Variants in OASL observed in about 807,000 individuals in gnomAD.
OASL encodes 2'-5'-oligoadenylate synthetase like, also known as 2'-5'-oligoadenylate synthase-like protein.
Under a neutral mutation model 35.3 loss-of-function variants are expected in OASL, and 28 were observed. That is an observed-to-expected ratio of 0.79 (90% CI 0.59 to 1.09). OASL has a LOEUF of 1.09. Among genes scored for constraint, OASL ranks in the 50% least tolerant of loss-of-function variants. OASL has a pLI of 0.00. For synonymous variants in OASL, 252 were observed against 254.6 expected, an observed-to-expected ratio of 0.99 and a Z score of 0.10; for missense variants, 620 against 635.2, an observed-to-expected ratio of 0.98 and a Z score of 0.26.
At position 121,028,428 on chromosome 12, in the gene OASL, T is replaced by C. The variant is rs1485074036; in HGVS notation, c.658-611A>G. ...AAGTTGGCTCAACTAGAGTAAAGCC[T>C]AGTTCTTTTGTTCAGTGGTTGAAAG... On this transcript the variant is annotated intron_variant, in intron 3 of 5. Transcript: ENST00000257570. 3.9e-5 allele frequency among the ~76,000 whole-genome samples: 6 copies of C among 152,160 alleles called. No individual in the cohort carries two copies. The East Asian group carries it at 1.2e-3, about 29-fold the overall frequency.
chr12:121,021,026 C>T (rs1265313886), exon 6 of OASL: 4 of 1,604,758 alleles, frequency 2.5e-6, no homozygotes, highest in South Asian at 1.1e-5. Flanking sequence ...GGTAACCCCT[C>T]TGCTCCACTG....
chr12:121,026,589 C>T (rs374167246), intron 4 of OASL, among the ~76,000 whole-genome samples: 1 of 152,144 alleles, frequency 6.6e-6, no homozygotes, highest in Non-Finnish European at 1.5e-5. Context: ...CGGTGGCTCA[C>T]GCCTGTAAGC....
chr12:121,036,346 G>A (rs1869957781), intron 1 of OASL, among the ~76,000 whole-genome samples: 1 of 152,180 alleles, frequency 6.6e-6, no homozygotes, highest in African/African-American at 2.4e-5. Flanking sequence ...GGAACGGGAG[G>A]GTTTAGACTC....
intron 2 of OASL, among the ~76,000 whole-genome samples, chr12:121,031,966 G>A (rs1411607209): frequency 3.9e-5 from 6 of 152,058 alleles, no homozygotes; most frequent in African/African-American, 1.2e-4. Context: ...CGAGGTGGGC[G>A]GATCACCTGA....
At chr12:121,026,742 C>T (rs898732207) in intron 4 of OASL, among the ~76,000 whole-genome samples, 1 of 151,888 alleles carries the variant, frequency 6.6e-6, no homozygotes, top group Non-Finnish European at 1.5e-5. Flanking sequence ...ATCTCAGCTA[C>T]TCAGAAGCCT....
chr12:121,018,869 C>CAAAAAAA (rs1158102389), downstream of OASL, among the ~76,000 whole-genome samples: 3 of 55,296 alleles, frequency 5.4e-5, no homozygotes, highest in African/African-American at 7.2e-5. Flanking sequence ...GACTCCATCT[C>CAAAAAAA]AAAAAAAAAA....
chr12:121,036,733 A>G (rs1365214933), intron 1 of OASL, among the ~76,000 whole-genome samples: 2 of 152,008 alleles, frequency 1.3e-5, no homozygotes, highest in African/African-American at 2.4e-5. Flanking sequence ...TTTATTCTCA[A>G]GTTTGTTGGG....
At position 121,035,861 on chromosome 12, in the gene OASL, C is replaced by T. The variant is rs759688109; in HGVS notation, c.199-2118G>A. On this transcript the variant is annotated intron_variant, in intron 1 of 5. Coordinates refer to ENST00000257570, the Ensembl canonical transcript of OASL. ...CATTCCCCCCGAAGGCCAGTCTAGA[C>T]TTCCCTTTCTTTTTGAGACAGGGTC... 5.8e-4 allele frequency among the ~76,000 whole-genome samples: 88 copies of T among 152,122 alleles called. 2 individuals are homozygous for T. The highest frequency in any genetic ancestry group is 5.2e-4 in the Admixed American group (8 of 15,262).
At chr12:121,024,220 C>T (rs1036780097) in intron 4 of OASL, 83 bp from the exon 5 acceptor site, 137 of 1,461,520 alleles carry the variant, frequency 9.4e-5, no homozygotes, top group Admixed American at 5.1e-4. Context: ...GCAATTATTT[C>T]GTCCAGCCAC....
chr12:121,036,001 G>A (rs1869940386), intron 1 of OASL, among the ~76,000 whole-genome samples: 1 of 152,160 alleles, frequency 6.6e-6, no homozygotes, highest in South Asian at 2.1e-4. Flanking sequence ...GGAACTACAG[G>A]CATGCACCGC....
intron 5 of OASL, 105 bp from the exon 6 acceptor site, chr12:121,021,163 G>C (rs531472661): frequency 8.2e-7 from 1 of 1,215,326 alleles, no homozygotes; most frequent in Non-Finnish European, 1.1e-6. Context: ...AGCAGCAGCA[G>C]CGGCAGCAGC....
chr12:121,038,873 C>A (rs1870067305), exon 1 of OASL: 3 of 1,614,154 alleles, frequency 1.9e-6, no homozygotes, highest in African/African-American at 1.3e-5. Context: ...CAGCGTCTAG[C>A]ACCTCTTCCT....
chr12:121,019,336 C>T (rs1395455184), exon 6 of OASL: 1 of 152,088 alleles, frequency 6.6e-6, no homozygotes, highest in Non-Finnish European at 1.5e-5. Context: ...TTGCAGTGTG[C>T]ATTTTCTATG....
chr12:121,032,339 G>T (rs1869770747), intron 2 of OASL, among the ~76,000 whole-genome samples: 1 of 152,142 alleles, frequency 6.6e-6, no homozygotes. Flanking sequence ...CACGCAGCCA[G>T]CCACTACAGC....
intron 1 of OASL, among the ~76,000 whole-genome samples, chr12:121,038,130 A>G (rs73214166): frequency 0.2 from 30,021 of 151,990 alleles, 3,158 homozygotes; most frequent in Non-Finnish European, 0.24. Context: ...GTTAAAACAC[A>G]TAGAAAAATA....
At chr12:121,026,780 A>G (rs994393288) in intron 4 of OASL, among the ~76,000 whole-genome samples, 3 of 151,884 alleles carry the variant, frequency 2.0e-5, no homozygotes, top group African/African-American at 4.8e-5. Flanking sequence ...CGAACCCAGG[A>G]GGCAGAGGTT....
downstream of OASL, among the ~76,000 whole-genome samples, chr12:121,017,999 A>G (rs1418404169): frequency 6.6e-6 from 1 of 152,234 alleles, no homozygotes; most frequent in Non-Finnish European, 1.5e-5. Context: ...TTTATCTATA[A>G]TACTGCGGAT....
At chr12:121,034,883 G>A (rs1240295557) in intron 1 of OASL, among the ~76,000 whole-genome samples, 2 of 152,060 alleles carry the variant, frequency 1.3e-5, no homozygotes, top group South Asian at 2.1e-4. Context: ...CTGCTGCCGG[G>A]GGGTCAGTTT....
At chr12:121,031,094 C>G (rs1166821653) in intron 3 of OASL, among the ~76,000 whole-genome samples, 1 of 151,900 alleles carries the variant, frequency 6.6e-6, no homozygotes, top group African/African-American at 2.4e-5. Flanking sequence ...GTGGAGGCTA[C>G]AGTGAGTGGT....
Sources: allele counts gnomAD v4.1 joint callset (sites outside exome capture counted in the v4.1 genomes callset), GRCh38; gene constraint gnomAD v4.1.1; transcripts MANE v1.5; gene names NCBI Gene and HGNC (gene_info 2026-07-23, HGNC 2026-07-21).